EXOC7: variants seen among roughly 807,000 people sequenced by gnomAD.
The protein encoded by EXOC7 is exocyst complex component 7, also known as exocyst complex component Exo70.
EXOC7 carries 51 observed loss-of-function variants against 87.6 expected under a neutral mutation model. The ratio of observed to expected loss-of-function variants is 0.58; its 90% CI spans 0.46 to 0.73. The LOEUF (loss-of-function observed/expected upper bound fraction) is 0.73, where lower values mean the gene tolerates loss of function less well. Among genes scored for constraint, EXOC7 ranks in the 30% least tolerant of loss-of-function variants. The pLI, the probability that EXOC7 is intolerant of heterozygous loss-of-function variation, is 0.00. For synonymous variants in EXOC7, 327 were observed against 357.1 expected (o/e 0.92, Z 0.95); for missense variants, 744 against 888.4 (o/e 0.84, Z 2.07).
At chr17:76,101,249 C>T (rs773024655) in intron 4 of EXOC7, 22 bp downstream of exon 4, 11 of 1,613,938 alleles carry the variant, frequency 6.8e-6, no homozygotes, top group Admixed American at 5.0e-5. Flanking sequence ...AAGCTTCTCA[C>T]GTTATTCTGC....
intron 7 of EXOC7, chr17:76,090,178 C>T: frequency 1.1e-6 from 1 of 890,920 alleles, no homozygotes; most frequent in Non-Finnish European, 1.7e-6. Flanking sequence ...AGACCTAGGC[C>T]CAAAAGAGAG....
intron 7 of EXOC7, 34 bp from the exon 8 acceptor site, chr17:76,089,354 T>C: frequency 6.2e-7 from 1 of 1,608,718 alleles, no homozygotes; most frequent in South Asian, 1.1e-5. Flanking sequence ...GCTGCTGGTC[T>C]GGGGCCAGCC....
intron 18 of EXOC7, 41 bp downstream of exon 18, chr17:76,083,965 G>A (rs2067090491): frequency 6.6e-7 from 1 of 1,513,950 alleles, no homozygotes; most frequent in Non-Finnish European, 8.8e-7. Flanking sequence ...GCCCACTGGG[G>A]CTGTGGGCAG....
intron 7 of EXOC7, chr17:76,089,944 G>A: frequency 5.1e-6 from 1 of 196,454 alleles, no homozygotes; most frequent in Non-Finnish European, 1.0e-5. Context: ...CACGGCGGGG[G>A]CGCCTGCAGG....
intron 9 of EXOC7, 78 bp downstream of exon 9, chr17:76,088,693 C>T: frequency 6.2e-7 from 1 of 1,604,352 alleles, no homozygotes; most frequent in Non-Finnish European, 8.5e-7. Flanking sequence ...TGGGGTTCTC[C>T]CAGGGAGGGA....
In EXOC7 at chr17:76,082,240, G is replaced by C; in HGVS notation, c.*1408C>G. On this transcript the variant is annotated 3_prime_UTR_variant, in exon 19 of 19. Transcript: ENST00000589210. ...GGCAGGGAGCAAGCTGAGCCTCCCT[G>C]AAGTCCCAGGTGACCTCAATCCCCT... 1 of 805,804 alleles carries C rather than the reference G, an allele frequency of 1.2e-6. No individual in the cohort carries two copies. The highest frequency in any genetic ancestry group is 1.9e-6 in the Non-Finnish European group (1 of 526,576). 49.9% of individuals were successfully genotyped at this position (805,804 alleles called of 1,614,324 possible). A position where few individuals can be genotyped will look rare whatever the true frequency, so the allele number is the denominator to read the frequency against.
chr17:76,083,716 TCTC>T lies in EXOC7; in HGVS notation c.1984_1986del (p.Glu662del). 1 of 1,613,598 alleles carries T rather than the reference TCTC, an allele frequency of 6.2e-7. No homozygotes were observed. Among genetic ancestry groups the T allele is most frequent in the South Asian group, 1.1e-5 (1 of 91,058 alleles). ...TGCTCCACCCCGTACTTGATGTACTTCTCCGGGTTCTTGGTGAAGGGCACGCTG... is the reference window on the plus strand; with the variant it reads ...TGCTCCACCCCGTACTTGATGTACTTCGGGTTCTTGGTGAAGGGCACGCTG... On this transcript the variant is annotated inframe_deletion, in exon 19 of 19. Coordinates refer to ENST00000589210, the MANE Select transcript of EXOC7 (RefSeq NM_001013839.4).
chr17:76,103,569 A>G (rs2068186297), intron 1 of EXOC7, 64 bp downstream of exon 1: 2 of 1,601,218 alleles, frequency 1.2e-6, no homozygotes, highest in South Asian at 1.1e-5. Context: ...TGAGTAGACA[A>G]TCAGGCCCCG....
chr17:76,085,233 CTG>C (rs1439982936), intron 15 of EXOC7, 79 bp downstream of exon 15: 3 of 1,174,070 alleles, frequency 2.6e-6, no homozygotes, highest in South Asian at 2.6e-5. Flanking sequence ...GTGACCGACT[CTG>C]TGTCCTGAGG....
chr17:76,088,263 G>A (rs1031239229), intron 10 of EXOC7, 141 bp from the exon 11 acceptor site: 137 of 1,008,432 alleles, frequency 1.4e-4, no homozygotes, highest in Non-Finnish European at 3.0e-5. Flanking sequence ...GCTGGACCAA[G>A]GGGGAGAGGC....
At chr17:76,087,554 C>G (rs1598302907) in intron 12 of EXOC7, 100 bp downstream of exon 12, 6 of 1,230,324 alleles carry the variant, frequency 4.9e-6, no homozygotes, top group Non-Finnish European at 5.7e-6. Flanking sequence ...AACCCCTCCA[C>G]AGACTGGAGA....
Position 76,084,532 on chromosome 17 carries a change from G to T in EXOC7, c.1761C>A (p.Phe587Leu), listed in dbSNP as rs2067123674. 6.2e-7 allele frequency: 1 copy of T among 1,613,928 alleles called. No individual in the cohort carries two copies. ...TTGAGCCCACCTTGACTCCCGGCTG[G>T]AACACAGGTAGATTCTTCTCTGCGA... The part of the protein sequence containing the change: ...DYIAEKNLPV[F>L]QPGVKLRDKE... The change falls in exon 16 of 19, where the codon TTC becomes TTA. Residue 587 changes from phenylalanine (F) to leucine (L), a missense_variant. Phe to Leu is a conservative substitution (Grantham distance 22). This residue lies in a region of EXOC7 where 228 missense variants were observed against 298.6 expected (regional missense o/e 0.76). Transcript: ENST00000589210.
rs747515260 is a variant in EXOC7 at position 76,103,627 on chromosome 17, G to A, written c.60+6C>T. On this transcript the variant is annotated splice_donor_region_variant and intron_variant, in intron 1 of 18. Transcript: ENST00000589210. ...TCCTCCCCAGCCTCCCCAGGCCCAC[G>A]CCCACCTGCTTCAGCTTGTCCTCAA... 3 of 1,611,640 alleles carry A rather than the reference G, an allele frequency of 1.9e-6. No homozygotes were observed. The highest frequency in any genetic ancestry group is 1.7e-6 in the Non-Finnish European group (2 of 1,179,266).
In EXOC7 at chr17:76,090,368, G is replaced by A. The variant is rs561584349; in HGVS notation, c.901+775C>T. ...TGCTTGTCGTTCAAGGCCTCGGACA[G>A]GTGCTTAACTCGGAAATCATGCTCG... On this transcript the variant is annotated intron_variant, in intron 7 of 18. Transcript: ENST00000589210. 9.0e-6 allele frequency: 14 copies of A among 1,551,710 alleles called. No individual in the cohort carries two copies. The Admixed American group carries it at 2.5e-4, about 28-fold the overall frequency.
chr17:76,082,370 G>A lies in EXOC7; in HGVS notation c.*1278C>T. ...ATCAGCTGAGAATCTAAGAAAGGAAGCGATACAGGCTGATGACCCCTGGGG... is the reference window on the plus strand; with the variant it reads ...ATCAGCTGAGAATCTAAGAAAGGAAACGATACAGGCTGATGACCCCTGGGG... On this transcript the variant is annotated 3_prime_UTR_variant, in exon 19 of 19. Coordinates refer to ENST00000589210, the MANE Select transcript of EXOC7 (RefSeq NM_001013839.4). 1 of 1,308,238 alleles carries A rather than the reference G, an allele frequency of 7.6e-7. No homozygotes were observed. The highest frequency in any genetic ancestry group is 1.0e-6 in the Non-Finnish European group (1 of 952,430). 81.0% of individuals were successfully genotyped at this position (1,308,238 alleles called of 1,614,324 possible). A position where few individuals can be genotyped will look rare whatever the true frequency, so the allele number is the denominator to read the frequency against.
At position 76,081,351 on chromosome 17, in the gene EXOC7, T is replaced by A; in HGVS notation, c.*2297A>T. On this transcript the variant is annotated 3_prime_UTR_variant, in exon 19 of 19. Coordinates refer to ENST00000589210, the MANE Select transcript of EXOC7 (RefSeq NM_001013839.4). ...TCAAGAGGGAATACGTAGTTTATGATCTGAAGACCCAAGTCCCACCCCAGC... is the reference window on the plus strand; with the variant it reads ...TCAAGAGGGAATACGTAGTTTATGAACTGAAGACCCAAGTCCCACCCCAGC... 2 of 1,614,156 alleles carry A rather than the reference T, an allele frequency of 1.2e-6. No individual in the cohort carries two copies. Among genetic ancestry groups the A allele is most frequent in the South Asian group, 1.1e-5 (1 of 91,088 alleles).
intron 13 of EXOC7, 123 bp from the exon 14 acceptor site, chr17:76,085,920 A>C: frequency 6.6e-7 from 1 of 1,522,290 alleles, no homozygotes. Context: ...CCTTAGCCCA[A>C]CTCCCCTCAG....
intron 12 of EXOC7, 100 bp from the exon 13 acceptor site, chr17:76,086,245 G>A: frequency 8.5e-7 from 1 of 1,177,238 alleles, no homozygotes; most frequent in Non-Finnish European, 1.2e-6. Context: ...ACTGAGACAG[G>A]CCCTGGGCTT....
At chr17:76,103,471 AAGG>A in intron 1 of EXOC7, 45 bp from the exon 2 acceptor site, 1 of 1,566,954 alleles carries the variant, frequency 6.4e-7, no homozygotes, top group Non-Finnish European at 8.7e-7. Flanking sequence ...CCAGAAGCTA[AAGG>A]AGACCACTGC....
Sources: allele counts gnomAD v4.1 joint callset, GRCh38; gene constraint gnomAD v4.1.1; regional missense constraint gnomAD v4.1.1; transcripts MANE v1.5; gene names NCBI Gene and HGNC (gene_info 2026-07-23, HGNC 2026-07-21).